GPM6A: variants seen among roughly 807,000 people sequenced by gnomAD.
GPM6A encodes the protein neuronal membrane glycoprotein M6-a.
GPM6A carries 7 observed loss-of-function variants against 32.1 expected under a neutral mutation model. That is an observed-to-expected ratio of 0.22 (90% CI 0.12 to 0.41). The LOEUF (loss-of-function observed/expected upper bound fraction) is 0.41. Ranked by LOEUF, GPM6A falls within the 10% of genes least tolerant of loss-of-function variation. The pLI is 1.00. For synonymous variants in GPM6A, 130 were observed against 123.4 expected (o/e 1.05, Z -0.35); for missense variants, 235 against 347.2 (o/e 0.68, Z 2.57).
chr4:175,702,599 C>T (rs1281977234), intron 1 of GPM6A, among the ~76,000 whole-genome samples: 1 of 152,152 alleles, frequency 6.6e-6, no homozygotes, highest in African/African-American at 2.4e-5. Context: ...ACTGCAATCT[C>T]TGCCTCCCGA....
At chr4:175,959,586 A>G (rs1740101615) in intron 1 of GPM6A, among the ~76,000 whole-genome samples, 1 of 151,920 alleles carries the variant, frequency 6.6e-6, no homozygotes, top group Admixed American at 6.6e-5. Context: ...GTGCTACTTC[A>G]CTCACTAGAG....
intron 1 of GPM6A, among the ~76,000 whole-genome samples, chr4:175,860,359 G>C (rs371649225): frequency 2.0e-5 from 3 of 151,924 alleles, no homozygotes; most frequent in Non-Finnish European, 1.5e-5. Flanking sequence ...AGAAATTAAG[G>C]AGGGATCATC....
At chr4:175,955,222 C>T (rs1221912602) in intron 1 of GPM6A, among the ~76,000 whole-genome samples, 1 of 152,190 alleles carries the variant, frequency 6.6e-6, no homozygotes, top group East Asian at 1.9e-4. Flanking sequence ...GCCCACATAC[C>T]ACACCTGTTA....
At chr4:175,994,701 C>CT (rs2126466682) in intron 1 of GPM6A, among the ~76,000 whole-genome samples, 1 of 152,152 alleles carries the variant, frequency 6.6e-6, no homozygotes, top group East Asian at 1.9e-4. Context: ...TGGGCAATTT[C>CT]TTACAATAAG....
At chr4:175,916,655 T>C (rs1354860859) in intron 1 of GPM6A, among the ~76,000 whole-genome samples, 1 of 152,150 alleles carries the variant, frequency 6.6e-6, no homozygotes, top group Admixed American at 6.5e-5. Context: ...GAAGAGTGTA[T>C]ACATTATGGG....
intron 1 of GPM6A, among the ~76,000 whole-genome samples, chr4:175,862,971 T>A (rs1445130648): frequency 2.0e-5 from 3 of 152,192 alleles, no homozygotes; most frequent in Non-Finnish European, 4.4e-5. Context: ...TACGATTTTC[T>A]GTTTGTCATC....
chr4:175,640,669 T>A, intron 5 of GPM6A, 84 bp downstream of exon 5: 3 of 917,582 alleles, frequency 3.3e-6, no homozygotes, highest in Non-Finnish European at 3.5e-6. Context: ...AAAGTCAATA[T>A]AGATTTAGTT....
chr4:175,844,337 G>A (rs1343254985), intron 1 of GPM6A, among the ~76,000 whole-genome samples: 2 of 152,122 alleles, frequency 1.3e-5, no homozygotes, highest in Non-Finnish European at 2.9e-5. Flanking sequence ...AGAAGACAAG[G>A]CAGTCTTTCC....
At chr4:175,641,134 A>G (rs1741119303) in intron 4 of GPM6A, 2 of 334,456 alleles carry the variant, frequency 6.0e-6, no homozygotes, top group Non-Finnish European at 1.1e-5. Context: ...TTAATGTGAT[A>G]GTATAGGCAT....
intron 1 of GPM6A, among the ~76,000 whole-genome samples, chr4:175,939,741 C>G (rs1739346369): frequency 6.6e-6 from 1 of 151,918 alleles, no homozygotes; most frequent in Admixed American, 6.6e-5. Flanking sequence ...ATATGGTGAC[C>G]TAGAACTAGG....
chr4:175,689,307 T>C (rs1278064970), intron 2 of GPM6A, among the ~76,000 whole-genome samples: 5 of 152,200 alleles, frequency 3.3e-5, no homozygotes, highest in Admixed American at 3.3e-4. Flanking sequence ...CATAAGAACA[T>C]TTTAACAATA....
chr4:175,655,545 G>A (rs1178694393), intron 3 of GPM6A, among the ~76,000 whole-genome samples: 1 of 151,910 alleles, frequency 6.6e-6, no homozygotes, highest in African/African-American at 2.4e-5. Flanking sequence ...AAATTAATAA[G>A]CTGCTCTTAC....
chr4:175,998,190 G>A (rs1741368185), intron 1 of GPM6A, among the ~76,000 whole-genome samples: 1 of 150,436 alleles, frequency 6.6e-6, no homozygotes. Flanking sequence ...GTCTCTCTCT[G>A]TTGTCCAGGC....
chr4:175,962,409 A>C (rs1740195637), intron 1 of GPM6A: 2 of 722,928 alleles, frequency 2.8e-6, no homozygotes, highest in Non-Finnish European at 5.2e-6. Context: ...GAACACTCCC[A>C]AGTGGGAGCA....
intron 1 of GPM6A, among the ~76,000 whole-genome samples, chr4:175,824,611 A>T (rs887651951): frequency 1.2e-4 from 18 of 152,200 alleles, no homozygotes; most frequent in African/African-American, 4.1e-4. Flanking sequence ...CACGAGCTAC[A>T]CTTGTTTCTC....
chr4:175,701,772 A>G lies in GPM6A; in HGVS notation c.38-5T>C, dbSNP rs756444332. ...TGATACAGCATTCAAAACACCCTGTAGAAGATCACAAAGGGAGAAATTCAT... is the reference window on the plus strand; with the variant it reads ...TGATACAGCATTCAAAACACCCTGTGGAAGATCACAAAGGGAGAAATTCAT... On this transcript the variant is annotated splice_polypyrimidine_tract_variant and splice_region_variant and intron_variant, in intron 1 of 6. Transcript: ENST00000393658. 5 of 1,582,006 alleles carry G rather than the reference A, an allele frequency of 3.2e-6. No individual in the cohort carries two copies. The highest frequency in any genetic ancestry group is 4.3e-6 in the Non-Finnish European group (5 of 1,162,234).
intron 1 of GPM6A, among the ~76,000 whole-genome samples, chr4:175,772,133 C>A (rs920362788): frequency 2.0e-5 from 3 of 152,166 alleles, no homozygotes; most frequent in African/African-American, 4.8e-5. Context: ...TCCTACACAC[C>A]TTCTTATTGT....
At chr4:175,900,497 C>CA (rs57140730) in intron 1 of GPM6A, among the ~76,000 whole-genome samples, 393 of 144,122 alleles carry the variant, frequency 2.7e-3, no homozygotes, top group African/African-American at 4.6e-3. Context: ...ATACAAATGG[C>CA]AAAAAAAAAA....
intron 1 of GPM6A, among the ~76,000 whole-genome samples, chr4:175,992,056 A>ATG (rs1490659539): frequency 8.1e-5 from 7 of 86,594 alleles, no homozygotes; most frequent in African/African-American, 2.7e-4. Context: ...ACACAAACAC[A>ATG]CATGCACACA....
Sources: gnomAD v4.1 joint callset for allele counts (sites outside exome capture counted in the v4.1 genomes callset) on GRCh38, gnomAD v4.1.1 for gene constraint, MANE v1.5 for transcripts, NCBI Gene and HGNC (gene_info 2026-07-23, HGNC 2026-07-21) for gene names.